LIG1: variants seen among roughly 807,000 people sequenced by gnomAD.
LIG1 encodes the protein DNA ligase 1.
Under a neutral mutation model 115.7 loss-of-function variants are expected in LIG1, and 70 were observed. That is an observed-to-expected ratio of 0.60 (90% CI 0.50 to 0.74). The LOEUF (loss-of-function observed/expected upper bound fraction) is 0.74. Ranked by LOEUF, LIG1 falls within the 30% of genes least tolerant of loss-of-function variation. The pLI is 0.00. For missense variants in LIG1, 1,115 were observed against 1,225.6 expected (o/e 0.91, Z 1.35); for synonymous variants, 487 against 495.3 (o/e 0.98, Z 0.22).
rs1380485003 is a variant in LIG1, at chr19:48,137,529, C to A, written c.1247G>T (p.Gly416Val). The change falls in exon 13 of 28, where the codon GGC (glycine) becomes GTC (valine). Residue 416 changes from glycine to valine, a missense_variant. Transcript: ENST00000263274. The surrounding 1 kb of genome is among the most constrained non-coding windows in gnomAD (Gnocchi z 4.3). Reference sequence around the variant, plus strand: ...GCGGCCCGCCCCACTCACAGCACTGCCAGTGAGCCTGGCGATGTCGCGGAA... The same window carrying A: ...GCGGCCCGCCCCACTCACAGCACTGACAGTGAGCCTGGCGATGTCGCGGAA... ...SKFRDIARLT[G>V]SASTAKKIDI... 1 of 1,612,620 alleles carries A rather than the reference C, an allele frequency of 6.2e-7. No homozygotes were observed. The highest frequency in any genetic ancestry group is 8.5e-7 in the Non-Finnish European group (1 of 1,180,004).
In LIG1 at chr19:48,137,559, C is replaced by T; in HGVS notation, c.1217G>A (p.Ser406Asn). ...PPPLTASGVFSKFRDIARLTG... is the reference protein window; with the variant it reads ...PPPLTASGVFNKFRDIARLTG... Reference sequence around the variant, plus strand: ...GAGCCTGGCGATGTCGCGGAACTTGCTGAAGACCCCGGAGGCAGTGAGCGG... The same window carrying T: ...GAGCCTGGCGATGTCGCGGAACTTGTTGAAGACCCCGGAGGCAGTGAGCGG... The change falls in exon 13 of 28, where the codon AGC becomes AAC. Residue 406 changes from serine (S) to asparagine (N), a missense_variant. Physicochemically the swap from Ser to Asn is conservative, Grantham distance 46 (BLOSUM62 1). Transcript: ENST00000263274. The surrounding 1 kb of genome is among the most constrained non-coding windows in gnomAD (Gnocchi z 4.3). 2 of 1,613,460 alleles carry T rather than the reference C, an allele frequency of 1.2e-6. No homozygotes were observed. Among genetic ancestry groups the T allele is most frequent in the Non-Finnish European group, 1.7e-6 (2 of 1,180,018 alleles).
chr19:48,117,453 C>G (rs1025527384), intron 26 of LIG1, among the ~76,000 whole-genome samples, 185 bp downstream of exon 26: 14 of 152,256 alleles, frequency 9.2e-5, no homozygotes, highest in African/African-American at 2.9e-4. Flanking sequence ...AGCCCCCATG[C>G]CCGGCCCATT....
chr19:48,166,741 C>A (rs376482841), intron 1 of LIG1, among the ~76,000 whole-genome samples: 2 of 151,670 alleles, frequency 1.3e-5, no homozygotes, highest in Non-Finnish European at 1.5e-5. Context: ...GAGGCCGAAG[C>A]GGGTGGATCG....
intron 4 of LIG1, among the ~76,000 whole-genome samples, chr19:48,157,831 C>A (rs1389524756): frequency 6.6e-6 from 1 of 152,192 alleles, no homozygotes; most frequent in African/African-American, 2.4e-5. Flanking sequence ...CAGGCGTGAG[C>A]CCCCGTGCCC....
At chr19:48,142,426 G>C (rs1320067376) in intron 11 of LIG1, among the ~76,000 whole-genome samples, 5 of 54,754 alleles carry the variant, frequency 9.1e-5, no homozygotes, top group African/African-American at 1.5e-4. Context: ...CTGGGCAACA[G>C]AGCAAGACTC....
chr19:48,162,150 GAA>G (rs2036216706), intron 3 of LIG1, 110 bp downstream of exon 3: 2 of 1,008,052 alleles, frequency 2.0e-6, no homozygotes, highest in Non-Finnish European at 3.1e-6. Context: ...CCACCTGGCT[GAA>G]AAAGTTTTTT....
At position 48,136,084 on chromosome 19, in the gene LIG1, G is replaced by C; in HGVS notation, c.1373C>G (p.Ser458Trp). 1.3e-6 allele frequency: 2 copies of C among 1,573,934 alleles called. No individual in the cohort carries two copies. The highest frequency in any genetic ancestry group is 1.7e-4 in the Middle Eastern group (1 of 6,002). The change falls in exon 15 of 28, where the codon TCG (serine) becomes TGG (tryptophan). Residue 458 changes from serine to tryptophan, a missense_variant. Transcript: ENST00000263274. Reference sequence around the variant, plus strand: ...TGCCTGGGAGAGGGCAGCCAGCACCGACTGCTCTGCCAGCCCAAGGCGCAG... The same window carrying C: ...TGCCTGGGAGAGGGCAGCCAGCACCCACTGCTCTGCCAGCCCAAGGCGCAG... Reference protein sequence around the residue: ...GRLRLGLAEQSVLAALSQAVS... With the variant: ...GRLRLGLAEQWVLAALSQAVS...
intron 9 of LIG1, among the ~76,000 whole-genome samples, chr19:48,144,355 C>T (rs58915351): frequency 1.1e-3 from 161 of 152,142 alleles, no homozygotes; most frequent in Admixed American, 3.6e-3. Context: ...TGTGCAAAGG[C>T]GCTGAGGTGC....
intron 21 of LIG1, among the ~76,000 whole-genome samples, chr19:48,125,937 GA>G (rs1316638079): frequency 6.8e-6 from 1 of 146,176 alleles, no homozygotes; most frequent in African/African-American, 2.5e-5. Context: ...GCAGTGAGCT[GA>G]GATCATGCCA....
chr19:48,151,597 T>G (rs1325986376), intron 6 of LIG1, among the ~76,000 whole-genome samples: 3 of 152,014 alleles, frequency 2.0e-5, no homozygotes, highest in African/African-American at 4.8e-5. Flanking sequence ...ATCCAGCTAT[T>G]TTTTTGTATT....
intron 3 of LIG1, among the ~76,000 whole-genome samples, 182 bp downstream of exon 3, chr19:48,162,080 A>G (rs2036212629): frequency 6.6e-6 from 1 of 152,162 alleles, no homozygotes; most frequent in Non-Finnish European, 1.5e-5. Flanking sequence ...AGACGTACAG[A>G]CAACTCCGAG....
At position 48,170,325 on chromosome 19, in the gene LIG1, G is replaced by A. The variant is rs1568569315; in HGVS notation, c.-142C>T. ...TCTGCAGTCCCAAGTTCGCGCCACG[G>A]CATTCGCGCGCAGACGTCTGCGGGC... On this transcript the variant is annotated 5_prime_UTR_variant, in exon 1 of 28. Transcript: ENST00000263274. 4.5e-6 allele frequency: 2 copies of A among 444,576 alleles called. No individual in the cohort carries two copies. Among genetic ancestry groups the A allele is most frequent in the Non-Finnish European group, 4.5e-6 (1 of 221,422 alleles). The allele number at this position is 444,576 out of a possible 1,614,324, so 27.5% of individuals were successfully genotyped here.
At chr19:48,120,023 T>C (rs1164135675) in intron 24 of LIG1, 1 of 264,856 alleles carries the variant, frequency 3.8e-6, no homozygotes, top group African/African-American at 2.3e-5. Context: ...TTGCCTTTTG[T>C]CCTGACAATA....
chr19:48,168,089 A>G (rs183107710), intron 1 of LIG1, among the ~76,000 whole-genome samples: 13 of 152,320 alleles, frequency 8.5e-5, no homozygotes, highest in Admixed American at 3.9e-4. Flanking sequence ...ACAGAAACTA[A>G]GGCACAGAGG....
intron 4 of LIG1, among the ~76,000 whole-genome samples, chr19:48,160,985 C>T (rs56030061): frequency 9.7e-4 from 147 of 152,280 alleles, no homozygotes; most frequent in African/African-American, 3.4e-3. Flanking sequence ...GATCCTCCCA[C>T]GTTGGCCTCC....
intron 21 of LIG1, among the ~76,000 whole-genome samples, chr19:48,126,145 G>A: frequency 6.6e-6 from 1 of 152,020 alleles, no homozygotes; most frequent in South Asian, 2.1e-4. Context: ...GCTCCTTACT[G>A]TAGATCAAGA....
intron 24 of LIG1, among the ~76,000 whole-genome samples, chr19:48,119,910 A>ACT (rs2033151932): frequency 6.6e-6 from 1 of 152,252 alleles, no homozygotes; most frequent in Admixed American, 6.5e-5. Flanking sequence ...AAAAATTAGC[A>ACT]GTAATGCTGG....
intron 6 of LIG1, among the ~76,000 whole-genome samples, chr19:48,151,978 G>A (rs909372541): frequency 6.6e-6 from 1 of 152,012 alleles, no homozygotes; most frequent in African/African-American, 2.4e-5. Flanking sequence ...CTTACCTCTA[G>A]GGTCACAATA....
chr19:48,124,174 C>T (rs1383721107), intron 21 of LIG1, among the ~76,000 whole-genome samples: 1 of 152,246 alleles, frequency 6.6e-6, no homozygotes, highest in East Asian at 1.9e-4. Context: ...AAACTACCTT[C>T]ACCACTTGCC....
Sources: gnomAD v4.1 joint callset for allele counts (sites outside exome capture counted in the v4.1 genomes callset) on GRCh38, gnomAD v4.1.1 for gene constraint, Gnocchi (gnomAD v3.1) non-coding constraint, MANE v1.5 for transcripts, NCBI Gene and HGNC (gene_info 2026-07-23, HGNC 2026-07-21) for gene names.